The following STAG2 variants were observed in gnomAD, a reference collection of about 807,000 sequenced individuals.
The protein encoded by STAG2 is STAG2 cohesin complex component, also known as cohesin subunit SA-2.
In STAG2, 14 loss-of-function variants were observed where a neutral mutation model predicts 108.1. The ratio of observed to expected loss-of-function variants is 0.13; its 90% confidence interval spans 0.09 to 0.20. The LOEUF (loss-of-function observed/expected upper bound fraction) is 0.20, where lower values mean the gene tolerates loss of function less well. STAG2 is among the 10% of genes least tolerant of loss of function. The pLI, the probability that STAG2 is intolerant of heterozygous loss-of-function variation, is 1.00. For missense variants in STAG2, 440 were observed against 940.9 expected (o/e 0.47, Z 6.96); for synonymous variants, 307 against 302.7 (o/e 1.01, Z -0.15).
intron 1 of STAG2, among the ~76,000 whole-genome samples, chrX:124,017,646 CT>C (rs1463907530): frequency 9.0e-6 from 1 of 111,278 alleles, no homozygotes; most frequent in Non-Finnish European, 1.9e-5. Context: ...GGAAGTCATT[CT>C]TTTTTTGGAG....
chrX:124,047,090 T>G (rs1045064340), intron 8 of STAG2, among the ~76,000 whole-genome samples: 1 of 111,760 alleles, frequency 8.9e-6, no homozygotes, highest in East Asian at 2.8e-4. Context: ...TGAGGCAAAT[T>G]TTAAAATTTC....
chrX:123,999,868 C>A (rs1034270226), intron 1 of STAG2, among the ~76,000 whole-genome samples: 3 of 109,997 alleles, frequency 2.7e-5, no homozygotes, highest in African/African-American at 6.6e-5. Context: ...ACCCACTTGG[C>A]CTCCTGAAGT....
chrX:123,983,969 C>CTTTTTTTT (rs1569493164), intron 1 of STAG2, among the ~76,000 whole-genome samples: 3 of 64,633 alleles, frequency 4.6e-5, no homozygotes, highest in African/African-American at 2.2e-4. Flanking sequence ...ATTTTCTTTT[C>CTTTTTTTT]TTTTCTTTTT....
intron 1 of STAG2, among the ~76,000 whole-genome samples, chrX:124,011,392 T>C (rs746108446): frequency 5.4e-5 from 6 of 111,243 alleles, no homozygotes; most frequent in Non-Finnish European, 1.1e-4. Context: ...CCTAATTGCT[T>C]TGGCTAGGCC....
intron 10 of STAG2, among the ~76,000 whole-genome samples, chrX:124,049,932 T>A (rs888235608): frequency 6.2e-5 from 7 of 112,152 alleles, no homozygotes; most frequent in Non-Finnish European, 9.4e-5. Flanking sequence ...TGGGATATGG[T>A]ATGGTATAAA....
intron 5 of STAG2, among the ~76,000 whole-genome samples, chrX:124,032,529 A>G (rs990329655): frequency 7.2e-5 from 8 of 110,348 alleles, no homozygotes; most frequent in African/African-American, 2.6e-4. Context: ...AGGTTTGTAC[A>G]TGAGTATATT....
intron 30 of STAG2, 119 bp from the exon 31 acceptor site, chrX:124,090,456 C>T: frequency 1.7e-6 from 1 of 604,932 alleles, no homozygotes; most frequent in Non-Finnish European, 2.7e-6. Context: ...GTTTGTGTCC[C>T]CCGTTCCTGT....
chrX:124,032,022 G>A (rs773271079), intron 5 of STAG2, among the ~76,000 whole-genome samples: 2 of 111,793 alleles, frequency 1.8e-5, no homozygotes, highest in Non-Finnish European at 3.8e-5. Flanking sequence ...GAGCCACCAC[G>A]CCCAGCCCCA....
chrX:124,018,327 A>G (rs2056800245), intron 1 of STAG2, among the ~76,000 whole-genome samples: 1 of 112,218 alleles, frequency 8.9e-6, no homozygotes, highest in African/African-American at 3.2e-5. Context: ...TTAAACTGAT[A>G]CTTTTCTTTG....
At chrX:124,092,193 T>G (rs889284818) in intron 32 of STAG2, among the ~76,000 whole-genome samples, 3 of 111,658 alleles carry the variant, frequency 2.7e-5, no homozygotes, top group African/African-American at 9.8e-5. Context: ...AGTGGTGGCC[T>G]GCATAAATTC....
chrX:124,016,165 A>T (rs1017267814), intron 1 of STAG2, among the ~76,000 whole-genome samples: 3 of 110,004 alleles, frequency 2.7e-5, no homozygotes, highest in African/African-American at 9.9e-5. Context: ...TCCTGAGGAC[A>T]GTCTCACTCT....
intron 28 of STAG2, among the ~76,000 whole-genome samples, chrX:124,081,781 C>T (rs1337120654): frequency 8.9e-6 from 1 of 111,873 alleles, no homozygotes; most frequent in Non-Finnish European, 1.9e-5. Flanking sequence ...AGGAGGATCA[C>T]TTGAGGCCAG....
chrX:124,066,143 A>ATTTTTT (rs748906058), intron 21 of STAG2, 32 bp from the exon 22 acceptor site: 29 of 590,430 alleles, frequency 4.9e-5, no homozygotes, highest in South Asian at 1.4e-4. Flanking sequence ...ATAAAACTTA[A>ATTTTTT]TTTTTTTTTT....
At chrX:124,094,245 GT>G in intron 33 of STAG2, 101 bp downstream of exon 33, 1 of 879,032 alleles carries the variant, frequency 1.1e-6, no homozygotes, top group Non-Finnish European at 1.6e-6. Flanking sequence ...AGAGAAGTAA[GT>G]TTTGCAAAAA....
intron 1 of STAG2, among the ~76,000 whole-genome samples, chrX:124,009,981 A>G (rs1374898295): frequency 9.0e-6 from 1 of 111,665 alleles, no homozygotes; most frequent in African/African-American, 3.3e-5. Context: ...AATTTACAAA[A>G]TGACATCTCA....
chrX:124,066,865 A>G (rs1379528196), intron 23 of STAG2, among the ~76,000 whole-genome samples: 2 of 112,179 alleles, frequency 1.8e-5, no homozygotes, highest in Admixed American at 1.9e-4. Context: ...GATTGAATAT[A>G]TAATGTGCCA....
Position 124,096,102 on chromosome X carries a change from T to C in STAG2, c.3783+653T>C, listed in dbSNP as rs1051232479. On this transcript the variant is annotated intron_variant, in intron 34 of 34. Coordinates refer to ENST00000371145, the MANE Select transcript of STAG2 (RefSeq NM_001042750.2). ...TGATATTGCAGTCCCGCTGCTCCTT[T>C]ATGCCTCTTGTGGGGTCATCTTTCT... 7.2e-5 allele frequency among the ~76,000 whole-genome samples: 8 copies of C among 110,678 alleles called. No homozygotes were observed. In the Admixed American group the frequency reaches 7.8e-4, roughly 11 times the overall value.
At position 124,045,123 on chromosome X, in the gene STAG2, T is replaced by C. The variant is rs187731287; in HGVS notation, c.463-41T>C. The C allele has an allele frequency of 5.5e-5, 61 of 1,099,981 alleles. No individual in the cohort carries two copies. In the African/African-American group the frequency reaches 1.0e-3, roughly 18 times the overall value. 90.7% of individuals were successfully genotyped at this position (1,099,981 alleles called of 1,213,427 possible). A position where few individuals can be genotyped will look rare whatever the true frequency, so the allele number is the denominator to read the frequency against. Reference sequence around the variant, plus strand: ...CAAAAGCAAGTGATATGTTAAGTCATGCATTCTAAATGAAATTGCTGTTTT... The same window carrying C: ...CAAAAGCAAGTGATATGTTAAGTCACGCATTCTAAATGAAATTGCTGTTTT... On this transcript the variant is annotated intron_variant, in intron 7 of 34. Coordinates refer to ENST00000371145, the MANE Select transcript of STAG2 (RefSeq NM_001042750.2).
intron 1 of STAG2, among the ~76,000 whole-genome samples, chrX:123,981,728 A>C (rs777534168): frequency 1.1e-3 from 128 of 111,420 alleles, no homozygotes; most frequent in African/African-American, 3.7e-3. Flanking sequence ...AGTATATGGC[A>C]GGCACTGTGC....
Sources: gnomAD v4.1 joint callset for allele counts (sites outside exome capture counted in the v4.1 genomes callset) on GRCh38, gnomAD v4.1.1 for gene constraint, MANE v1.5 for transcripts, NCBI Gene and HGNC (gene_info 2026-07-23, HGNC 2026-07-21) for gene names.